The following OPCML variants were observed in gnomAD, a reference collection of about 807,000 sequenced individuals.
OPCML encodes the protein opioid binding protein/cell adhesion molecule like.
A neutral mutation model predicts 37.8 loss-of-function variants in OPCML; 13 were observed. The ratio of observed to expected loss-of-function variants is 0.34; its 90% confidence interval spans 0.22 to 0.55. The LOEUF (loss-of-function observed/expected upper bound fraction) is 0.55, where lower values mean the gene tolerates loss of function less well. Ranked by LOEUF, OPCML falls within the 20% of genes least tolerant of loss-of-function variation. The pLI, the probability that OPCML is intolerant of heterozygous loss-of-function variation, is 0.91. For missense variants in OPCML, 341 were observed against 435.6 expected (o/e 0.78, Z 1.93); for synonymous variants, 176 against 168.8 (o/e 1.04, Z -0.33).
chr11:133,127,582 G>A (rs751995267), intron 1 of OPCML, among the ~76,000 whole-genome samples: 14 of 151,470 alleles, frequency 9.2e-5, no homozygotes, highest in Non-Finnish European at 1.0e-4. Flanking sequence ...GCAGTGGGCT[G>A]AGACTGCACC....
intron 2 of OPCML, among the ~76,000 whole-genome samples, chr11:132,900,307 T>C (rs2136496215): frequency 6.6e-6 from 1 of 152,264 alleles, no homozygotes; most frequent in Non-Finnish European, 1.5e-5. Flanking sequence ...TATCACTCTT[T>C]TCTTCCTCTG....
At chr11:132,513,172 A>G (rs1051318658) in intron 4 of OPCML, among the ~76,000 whole-genome samples, 4 of 152,090 alleles carry the variant, frequency 2.6e-5, no homozygotes, top group African/African-American at 9.7e-5. Context: ...GAAGAAGCCT[A>G]TTTGGTTTAT....
At chr11:132,578,681 T>G (rs58116207) in intron 3 of OPCML, among the ~76,000 whole-genome samples, 13,475 of 152,208 alleles carry the variant, frequency 0.089, 1,245 homozygotes, top group African/African-American at 0.23. Context: ...GCCAAAGCAG[T>G]ACAAATGATT....
At chr11:133,042,356 C>T (rs1209307601) in intron 1 of OPCML, among the ~76,000 whole-genome samples, 1 of 152,228 alleles carries the variant, frequency 6.6e-6, no homozygotes, top group Non-Finnish European at 1.5e-5. Flanking sequence ...ATGCATGGAG[C>T]ACTGGACGAT....
At chr11:132,679,916 G>A (rs1319388021) in intron 2 of OPCML, among the ~76,000 whole-genome samples, 1 of 152,228 alleles carries the variant, frequency 6.6e-6, no homozygotes, top group Non-Finnish European at 1.5e-5. Context: ...GTTTGTTGGA[G>A]ACAGGTGGAG....
chr11:132,999,578 A>AC (rs1946956885), intron 1 of OPCML, among the ~76,000 whole-genome samples: 2 of 138,474 alleles, frequency 1.4e-5, no homozygotes, highest in African/African-American at 6.7e-5. Context: ...TCGGGGGGGG[A>AC]ATGCCACCGG....
In OPCML at chr11:133,426,207, C is replaced by CT. The variant is rs145939263; in HGVS notation, c.61+106056dup. ...TGAAATTATCTCCTAGTTGAGCACT[C>CT]TGTTACACTCAGACCAGATAAGGTT... is the stretch of plus-strand genomic sequence containing the variant. On this transcript the variant is annotated intron_variant, in intron 1 of 7. Transcript: ENST00000524381. 3.4e-3 allele frequency among the ~76,000 whole-genome samples: 517 copies of CT among 152,286 alleles called. 5 individuals are homozygous for CT. The highest frequency in any genetic ancestry group is 0.012 in the African/African-American group (494 of 41,554).
intron 2 of OPCML, among the ~76,000 whole-genome samples, chr11:132,742,720 C>T (rs1438523596): frequency 1.3e-5 from 2 of 148,382 alleles, no homozygotes; most frequent in Admixed American, 6.8e-5. Context: ...TACCCTAAAA[C>T]TTGAAGTATA....
chr11:132,540,329 A>C (rs1313504417), intron 3 of OPCML, among the ~76,000 whole-genome samples: 1 of 152,208 alleles, frequency 6.6e-6, no homozygotes, highest in African/African-American at 2.4e-5. Context: ...TCAGTATTCC[A>C]GGTGCCTCTC....
chr11:132,554,903 T>C (rs1207856366), intron 3 of OPCML, among the ~76,000 whole-genome samples: 1 of 133,334 alleles, frequency 7.5e-6, no homozygotes, highest in Non-Finnish European at 1.6e-5. Flanking sequence ...ATTAGCTCTA[T>C]GGTTAGATAG....
chr11:133,407,721 G>C (rs1945554896), intron 1 of OPCML, among the ~76,000 whole-genome samples: 2 of 152,210 alleles, frequency 1.3e-5, no homozygotes. Flanking sequence ...GAGGCTGACA[G>C]GTCAGAGACT....
intron 1 of OPCML, among the ~76,000 whole-genome samples, chr11:133,039,383 A>C (rs1947842610): frequency 6.6e-6 from 1 of 152,152 alleles, no homozygotes; most frequent in African/African-American, 2.4e-5. Flanking sequence ...ATTTCCCCCA[A>C]GTCCTTGCCT....
At chr11:132,799,352 T>C (rs1938512447) in intron 2 of OPCML, among the ~76,000 whole-genome samples, 1 of 152,212 alleles carries the variant, frequency 6.6e-6, no homozygotes, top group Admixed American at 6.5e-5. Context: ...TTAAATCTCA[T>C]GAACCAACTT....
At chr11:133,329,512 T>C (rs1019421934) in intron 1 of OPCML, among the ~76,000 whole-genome samples, 8 of 151,720 alleles carry the variant, frequency 5.3e-5, no homozygotes, top group African/African-American at 1.7e-4. Context: ...CAGAACAGAG[T>C]CCTCAGAAAT....
At chr11:133,371,694 G>A (rs1565598568) in intron 1 of OPCML, among the ~76,000 whole-genome samples, 1 of 152,198 alleles carries the variant, frequency 6.6e-6, no homozygotes, top group African/African-American at 2.4e-5. Context: ...CAGCCATGTG[G>A]AACTGGGAGT....
intron 2 of OPCML, among the ~76,000 whole-genome samples, chr11:132,712,544 C>G (rs907356131): frequency 1.3e-5 from 2 of 152,216 alleles, no homozygotes; most frequent in African/African-American, 4.8e-5. Context: ...ACAGAAAGTA[C>G]TGGGTCAAAC....
chr11:132,831,503 A>C (rs943224081), intron 2 of OPCML, among the ~76,000 whole-genome samples: 3 of 152,104 alleles, frequency 2.0e-5, no homozygotes, highest in Non-Finnish European at 2.9e-5. Context: ...TTGCTTCATC[A>C]GACACATCAA....
chr11:133,376,074 G>A (rs929550816), intron 1 of OPCML, among the ~76,000 whole-genome samples: 1 of 149,392 alleles, frequency 6.7e-6, no homozygotes, highest in African/African-American at 2.5e-5. Context: ...AGAATAATCT[G>A]GATTTAAGCT....
intron 3 of OPCML, among the ~76,000 whole-genome samples, chr11:132,539,868 G>A (rs1238602837): frequency 6.6e-6 from 1 of 152,048 alleles, no homozygotes; most frequent in Admixed American, 6.6e-5. Flanking sequence ...AGATAGTGAT[G>A]GTGATCATGG....
Sources: allele counts gnomAD v4.1 joint callset (sites outside exome capture counted in the v4.1 genomes callset), GRCh38; gene constraint gnomAD v4.1.1; transcripts MANE v1.5; gene names NCBI Gene and HGNC (gene_info 2026-07-23, HGNC 2026-07-21).